KAZN: variants seen among roughly 807,000 people sequenced by gnomAD.
The protein encoded by KAZN is kazrin.
KAZN carries 40 observed loss-of-function variants against 87.4 expected under a neutral mutation model. That is an observed-to-expected ratio of 0.46 (90% CI 0.36 to 0.60). The LOEUF (loss-of-function observed/expected upper bound fraction) is 0.60. Among genes scored for constraint, KAZN ranks in the 20% least tolerant of loss-of-function variants. KAZN has a pLI of 0.00. For missense variants in KAZN, 898 were observed against 1,073.9 expected, an observed-to-expected ratio of 0.84 and a Z score of 2.29; for synonymous variants, 466 against 458.3, an observed-to-expected ratio of 1.02 and a Z score of -0.22.
chr1:14,672,740 T>C (rs1639987237), intron 1 of KAZN, among the ~76,000 whole-genome samples: 1 of 152,190 alleles, frequency 6.6e-6, no homozygotes, highest in Non-Finnish European at 1.5e-5. Flanking sequence ...CATTGCAGGA[T>C]TGCTTTGCGG....
chr1:14,632,500 A>G (rs1679640501), intron 1 of KAZN, among the ~76,000 whole-genome samples: 1 of 151,520 alleles, frequency 6.6e-6, no homozygotes, highest in African/African-American at 2.4e-5. Context: ...CTGAAGATTT[A>G]TGGTAGAAGT....
chr1:14,877,019 G>T (rs1029186792), intron 1 of KAZN, among the ~76,000 whole-genome samples: 29 of 152,332 alleles, frequency 1.9e-4, no homozygotes, highest in African/African-American at 7.0e-4. Context: ...AGATGCAAAA[G>T]CTACTGGTTC....
intron 2 of KAZN, among the ~76,000 whole-genome samples, chr1:14,373,200 T>A (rs1204858777): frequency 6.2e-4 from 2 of 3,226 alleles, no homozygotes; most frequent in Non-Finnish European, 2.5e-3. Context: ...AAAAACTGAA[T>A]ATATATATAT....
At chr1:15,062,174 C>T (rs922277753) in intron 6 of KAZN, 3 of 152,268 alleles carry the variant, frequency 2.0e-5, no homozygotes, top group African/African-American at 7.2e-5. Flanking sequence ...GCATTTGACC[C>T]AGTCCTAGTC....
chr1:14,587,521 T>G (rs1557818195), intron 2 of KAZN, among the ~76,000 whole-genome samples: 1 of 149,988 alleles, frequency 6.7e-6, no homozygotes, highest in African/African-American at 2.5e-5. Context: ...TAGCTTCTGG[T>G]GAGGCCTCAG....
chr1:14,224,173 G>C (rs918221053), intron 2 of KAZN, among the ~76,000 whole-genome samples: 15 of 152,142 alleles, frequency 9.9e-5, no homozygotes. Context: ...AAAGTCAGTA[G>C]TTATTTCGGT....
intron 2 of KAZN, among the ~76,000 whole-genome samples, chr1:14,241,272 T>C (rs1648912898): frequency 6.6e-6 from 1 of 152,220 alleles, no homozygotes; most frequent in Admixed American, 6.5e-5. Context: ...AACCCAGGAC[T>C]CTGGATCTTC....
chr1:15,080,544 C>CA (rs1639949315), intron 8 of KAZN, among the ~76,000 whole-genome samples: 1 of 152,236 alleles, frequency 6.6e-6, no homozygotes, highest in Non-Finnish European at 1.5e-5. Context: ...TGGGCTACCA[C>CA]AGAAGCCTTT....
chr1:13,904,827 G>A (rs1009846202), intron 1 of KAZN, among the ~76,000 whole-genome samples: 2 of 152,280 alleles, frequency 1.3e-5, no homozygotes, highest in South Asian at 4.2e-4. Flanking sequence ...CTCATGTTCA[G>A]TTACTTATTT....
At chr1:14,340,986 C>T (rs1005267443) in intron 2 of KAZN, among the ~76,000 whole-genome samples, 1 of 148,576 alleles carries the variant, frequency 6.7e-6, no homozygotes, top group Non-Finnish European at 1.5e-5. Context: ...CTCCCGGGTT[C>T]AAGCAATTCT....
rs960927275 is a variant in KAZN at position 15,019,640 on chromosome 1, C to T, written c.419-15109C>T. The stretch of plus-strand genomic sequence containing the variant: ...CTGACCTCAAGTAATCCACCTGCCT[C>T]GGCCTCCCAAAGTGCTGGGATTACA... On this transcript the variant is annotated intron_variant, in intron 2 of 14. Transcript: ENST00000376030. 9.2e-5 allele frequency among the ~76,000 whole-genome samples: 14 copies of T among 152,276 alleles called. No individual in the cohort carries two copies. In the South Asian group the frequency reaches 1.9e-3, roughly 20 times the overall value.
chr1:13,923,402 T>C (rs1004871504), intron 1 of KAZN, among the ~76,000 whole-genome samples: 1 of 151,578 alleles, frequency 6.6e-6, no homozygotes, highest in African/African-American at 2.4e-5. Context: ...TGAAACCCCG[T>C]CTCTACTAAA....
intron 1 of KAZN, among the ~76,000 whole-genome samples, chr1:14,635,227 G>C (rs1201318407): frequency 6.6e-6 from 1 of 152,236 alleles, no homozygotes; most frequent in East Asian, 1.9e-4. Context: ...CCACGCTGCT[G>C]TGCCCTAGCA....
chr1:14,409,630 G>C (rs907935398), intron 2 of KAZN, among the ~76,000 whole-genome samples: 2 of 152,076 alleles, frequency 1.3e-5, no homozygotes, highest in African/African-American at 4.8e-5. Flanking sequence ...CGGCCAGAGA[G>C]ACATGCACCT....
chr1:14,480,477 A>G (rs533092458), intron 2 of KAZN, among the ~76,000 whole-genome samples: 2 of 151,842 alleles, frequency 1.3e-5, no homozygotes, highest in South Asian at 4.2e-4. Flanking sequence ...ATAGATGTAT[A>G]AGGGACGAGA....
chr1:15,047,493 G>A (rs573128205), intron 4 of KAZN, among the ~76,000 whole-genome samples: 19 of 152,294 alleles, frequency 1.2e-4, no homozygotes, highest in South Asian at 8.3e-4. Context: ...GCTGCAGGCC[G>A]GGCGTGGTGT....
At position 14,143,959 on chromosome 1, in the gene KAZN, C is replaced by T. The variant is rs140382026; in HGVS notation, c.92-36476C>T. Among the ~76,000 whole-genome samples, 507 of 152,224 alleles carry T rather than the reference C, an allele frequency of 3.3e-3. 1 individual carries two copies. The highest frequency in any genetic ancestry group is 0.011 in the African/African-American group (477 of 41,526). On this transcript the variant is annotated intron_variant, in intron 1 of 16. Transcript: ENST00000636203. ...TATCAAACTCCTGGGCTCAAGTGAT[C>T]CTCCTGTCTCAGCTTCTCAAAGTGC...
intron 2 of KAZN, among the ~76,000 whole-genome samples, chr1:14,239,745 C>A (rs1648772415): frequency 6.6e-6 from 1 of 151,802 alleles, no homozygotes; most frequent in Admixed American, 6.6e-5. Flanking sequence ...CAGGCATGAA[C>A]CACCACACCC....
chr1:14,151,295 G>T (rs934746734), intron 1 of KAZN, among the ~76,000 whole-genome samples: 1 of 152,016 alleles, frequency 6.6e-6, no homozygotes, highest in Admixed American at 6.6e-5. Context: ...TGGTAGTTTT[G>T]AACCATGCAT....
Sources: gnomAD v4.1 joint callset for allele counts (sites outside exome capture counted in the v4.1 genomes callset) on GRCh38, gnomAD v4.1.1 for gene constraint, MANE v1.5 for transcripts, NCBI Gene and HGNC (gene_info 2026-07-23, HGNC 2026-07-21) for gene names.